Variants in ADGRL2 observed in about 807,000 individuals in gnomAD.
ADGRL2 encodes the protein calcium-independent alpha-latrotoxin receptor 2.
In ADGRL2, 44 loss-of-function variants were observed where a neutral mutation model predicts 157.4. That is an observed-to-expected ratio of 0.28 (90% CI 0.22 to 0.36). The LOEUF (loss-of-function observed/expected upper bound fraction) is 0.36, where lower values mean the gene tolerates loss of function less well. Among genes scored for constraint, ADGRL2 ranks in the 10% least tolerant of loss-of-function variants. The probability of loss-of-function intolerance (pLI) is 1.00; values close to 1 mark genes in which losing one functional copy is unlikely to be tolerated. For missense variants in ADGRL2, 1,510 were observed against 1,768.9 expected, an observed-to-expected ratio of 0.85 and a Z score of 2.63; for synonymous variants, 585 against 624.7, an observed-to-expected ratio of 0.94 and a Z score of 0.95.
chr1:81,650,584 A>G (rs2082398866), intron 3 of ADGRL2, among the ~76,000 whole-genome samples: 1 of 151,628 alleles, frequency 6.6e-6, no homozygotes, highest in South Asian at 2.1e-4. Context: ...CAAAAAAAAA[A>G]AAAAAAAAAG....
intron 1 of ADGRL2, among the ~76,000 whole-genome samples, chr1:81,352,686 C>T (rs186656708): frequency 1.2e-4 from 18 of 152,176 alleles, no homozygotes; most frequent in Admixed American, 5.2e-4. Flanking sequence ...TTTAAACCTC[C>T]GTTGGTAAAT....
intron 2 of ADGRL2, among the ~76,000 whole-genome samples, chr1:81,563,860 A>G (rs1394551186): frequency 2.6e-5 from 4 of 152,222 alleles, no homozygotes; most frequent in African/African-American, 9.6e-5. Context: ...CATAGTTGTC[A>G]TAGTTAACAC....
At chr1:81,687,885 C>G (rs962284359) in intron 3 of ADGRL2, among the ~76,000 whole-genome samples, 2 of 152,142 alleles carry the variant, frequency 1.3e-5, no homozygotes, top group African/African-American at 4.8e-5. Context: ...ATTCTCTCAG[C>G]ATTTGTTTAT....
chr1:81,571,437 A>G (rs1393081430), intron 2 of ADGRL2, among the ~76,000 whole-genome samples: 1 of 148,426 alleles, frequency 6.7e-6, no homozygotes, highest in Non-Finnish European at 1.5e-5. Context: ...GTGTGTGTGT[A>G]TATATATACA....
At chr1:81,716,566 C>A (rs530880760) in intron 1 of ADGRL2, among the ~76,000 whole-genome samples, 19 of 152,190 alleles carry the variant, frequency 1.2e-4, no homozygotes, top group African/African-American at 4.6e-4. Flanking sequence ...GTGTGGCTGG[C>A]ACTTTTGGAG....
At chr1:81,320,517 A>C (rs759110256) in intron 1 of ADGRL2, among the ~76,000 whole-genome samples, 2 of 152,222 alleles carry the variant, frequency 1.3e-5, no homozygotes, top group Non-Finnish European at 2.9e-5. Context: ...TTGAAGGTCA[A>C]AATTCCTCCT....
chr1:81,478,926 C>T (rs2078327947), intron 2 of ADGRL2, among the ~76,000 whole-genome samples: 1 of 151,642 alleles, frequency 6.6e-6, no homozygotes, highest in Admixed American at 6.6e-5. Flanking sequence ...CTCAATAACT[C>T]AGGGTGCTAA....
intron 1 of ADGRL2, among the ~76,000 whole-genome samples, chr1:81,803,281 G>GA (rs1021990575): frequency 2.0e-4 from 31 of 152,216 alleles, no homozygotes; most frequent in African/African-American, 6.3e-4. Context: ...CCAAACCATG[G>GA]AAGCGCCCCA....
chr1:81,400,091 G>T (rs969398839), intron 1 of ADGRL2, among the ~76,000 whole-genome samples: 2 of 152,150 alleles, frequency 1.3e-5, no homozygotes, highest in Admixed American at 6.5e-5. Context: ...GGCTATAGAA[G>T]TCTGTGGCAG....
At chr1:81,741,268 A>C (rs1185155740) in intron 1 of ADGRL2, among the ~76,000 whole-genome samples, 2 of 152,088 alleles carry the variant, frequency 1.3e-5, no homozygotes, top group African/African-American at 4.8e-5. Flanking sequence ...AAAGAACTTA[A>C]AAAATAATTT....
At chr1:81,626,746 T>C (rs1345831260) in intron 3 of ADGRL2, among the ~76,000 whole-genome samples, 1 of 152,210 alleles carries the variant, frequency 6.6e-6, no homozygotes, top group Non-Finnish European at 1.5e-5. Flanking sequence ...AGATGATCTG[T>C]GAAGGAATGT....
Position 81,610,335 on chromosome 1 carries a change from GAAT to G in ADGRL2, c.-143+29357_-143+29359del, listed in dbSNP as rs951576218. 2.0e-5 allele frequency among the ~76,000 whole-genome samples: 3 copies of G among 146,856 alleles called. No individual in the cohort carries two copies. The Admixed American group carries it at 2.1e-4, about 10-fold the overall frequency. ...GAGTTTAGAGAGCAGCTAGACTTAAGAATATTTTGGTGAATTGCATTCCAGACA... is the reference window on the plus strand; with the variant it reads ...GAGTTTAGAGAGCAGCTAGACTTAAGATTTTGGTGAATTGCATTCCAGACA... On this transcript the variant is annotated intron_variant, in intron 3 of 24. Transcript: ENST00000370721.
intron 1 of ADGRL2, among the ~76,000 whole-genome samples, chr1:81,407,034 G>A (rs2076866023): frequency 6.6e-6 from 1 of 152,116 alleles, no homozygotes; most frequent in Non-Finnish European, 1.5e-5. Context: ...TCCTCGTCTG[G>A]TGTCTCTGGA....
chr1:81,322,109 T>TATATATATATATATATAC (rs71592379), intron 1 of ADGRL2, among the ~76,000 whole-genome samples: 5 of 129,836 alleles, frequency 3.9e-5, no homozygotes, highest in South Asian at 2.5e-4. Context: ...TATATATATA[T>TATATATATATATATATAC]ACACATATAT....
At chr1:81,691,505 C>CT (rs61063269) in intron 3 of ADGRL2, among the ~76,000 whole-genome samples, 2,654 of 148,128 alleles carry the variant, frequency 0.018, 33 homozygotes, top group South Asian at 0.055. Flanking sequence ...CTTTTTAGGA[C>CT]TTTTTTTTTT....
chr1:81,664,148 T>G (rs1284394223), intron 3 of ADGRL2, among the ~76,000 whole-genome samples: 1 of 152,196 alleles, frequency 6.6e-6, no homozygotes, highest in Non-Finnish European at 1.5e-5. Context: ...GGAAAATCTT[T>G]GTATCCTCCG....
At chr1:81,985,472 C>T (rs983873800) in intron 21 of ADGRL2, 117 bp downstream of exon 21, 6 of 520,458 alleles carry the variant, frequency 1.2e-5, no homozygotes, top group African/African-American at 2.0e-5. Context: ...GGATGCGGCT[C>T]GAAGGTAATT....
chr1:81,604,125 G>A (rs1039522374), intron 3 of ADGRL2, among the ~76,000 whole-genome samples: 4 of 151,904 alleles, frequency 2.6e-5, no homozygotes, highest in Admixed American at 1.3e-4. Context: ...CACCACACCC[G>A]GTTAATTTTT....
At chr1:81,441,826 CCA>C (rs1205984646) in intron 1 of ADGRL2, among the ~76,000 whole-genome samples, 2 of 152,066 alleles carry the variant, frequency 1.3e-5, no homozygotes, top group African/African-American at 4.8e-5. Flanking sequence ...GTGTAAGCCA[CCA>C]CTCCCAACCT....
Sources: gnomAD v4.1 joint callset for allele counts (sites outside exome capture counted in the v4.1 genomes callset) on GRCh38, gnomAD v4.1.1 for gene constraint, MANE v1.5 for transcripts, NCBI Gene and HGNC (gene_info 2026-07-23, HGNC 2026-07-21) for gene names.